Variants in TMEM117 observed in about 807,000 individuals in gnomAD.
The protein encoded by TMEM117 is transmembrane protein 117.
Under a neutral mutation model 52.4 loss-of-function variants are expected in TMEM117, and 27 were observed. The ratio of observed to expected loss-of-function variants is 0.51; its 90% CI spans 0.38 to 0.71. The LOEUF (loss-of-function observed/expected upper bound fraction) is 0.71, where lower values mean the gene tolerates loss of function less well. Among genes scored for constraint, TMEM117 ranks in the 30% least tolerant of loss-of-function variants. TMEM117 has a pLI of 0.00. For missense variants in TMEM117, 556 were observed against 630.5 expected (o/e 0.88, Z 1.26); for synonymous variants, 215 against 206.3 (o/e 1.04, Z -0.36).
intron 3 of TMEM117, among the ~76,000 whole-genome samples, chr12:44,095,501 A>C (rs548855579): frequency 1.3e-5 from 2 of 152,170 alleles, no homozygotes; most frequent in South Asian, 4.1e-4. Flanking sequence ...AAGAAATGGA[A>C]GATATGTGTT....
At chr12:44,367,545 A>G (rs1951805447) in intron 6 of TMEM117, among the ~76,000 whole-genome samples, 2 of 152,042 alleles carry the variant, frequency 1.3e-5, no homozygotes, top group Non-Finnish European at 1.5e-5. Flanking sequence ...TGCCTCAGTC[A>G]GTCCCTGGCC....
At chr12:44,164,702 C>A (rs1479975532) in intron 4 of TMEM117, among the ~76,000 whole-genome samples, 1 of 152,128 alleles carries the variant, frequency 6.6e-6, no homozygotes, top group Non-Finnish European at 1.5e-5. Flanking sequence ...CAATCTTTGT[C>A]TTGATAGAGG....
At chr12:43,862,072 A>G (rs1943499035) in intron 2 of TMEM117, among the ~76,000 whole-genome samples, 1 of 152,236 alleles carries the variant, frequency 6.6e-6, no homozygotes, top group South Asian at 2.1e-4. Context: ...TTTTCCAGAC[A>G]GTTGCTTCGC....
At chr12:44,014,730 T>A (rs1474351619) in intron 3 of TMEM117, among the ~76,000 whole-genome samples, 1 of 152,186 alleles carries the variant, frequency 6.6e-6, no homozygotes, top group East Asian at 1.9e-4. Flanking sequence ...GTTACTGCTA[T>A]TTTTTCCCCT....
chr12:43,801,858 C>G, the TMEM117 span, among the ~76,000 whole-genome samples: 3 of 151,998 alleles, frequency 2.0e-5, no homozygotes, highest in Non-Finnish European at 4.4e-5. Context: ...AGTGAAACCC[C>G]GTCTCTACTA....
chr12:44,272,795 C>T (rs1098576), intron 5 of TMEM117, among the ~76,000 whole-genome samples: 3 of 152,094 alleles, frequency 2.0e-5, no homozygotes, highest in Non-Finnish European at 2.9e-5. Flanking sequence ...AGTTCAACCA[C>T]TGTGGAAGAC....
At chr12:43,873,588 G>A (rs1431495988) in intron 2 of TMEM117, among the ~76,000 whole-genome samples, 3 of 151,622 alleles carry the variant, frequency 2.0e-5, no homozygotes, top group South Asian at 4.2e-4. Context: ...GAAAACATTC[G>A]TTAATTTTAT....
Position 43,868,356 on chromosome 12 carries a change from C to A in TMEM117, c.277+23428C>A, listed in dbSNP as rs144368961. On this transcript the variant is annotated intron_variant, in intron 2 of 7. Coordinates refer to ENST00000266534, the MANE Select transcript of TMEM117 (RefSeq NM_032256.3). ...AGGAGTTTGAGACCAGCCTGGGCAA[C>A]GTGGTTAAAACCCTGTCTCTACTAA... Among the ~76,000 whole-genome samples the A allele has an allele frequency of 8.0e-3, 1,219 of 151,910 alleles. 16 individuals carry two copies. The highest frequency in any genetic ancestry group is 0.027 in the African/African-American group (1,117 of 41,424).
intron 3 of TMEM117, among the ~76,000 whole-genome samples, chr12:44,074,098 T>A (rs896198933): frequency 2.0e-5 from 3 of 152,214 alleles, no homozygotes; most frequent in Admixed American, 6.5e-5. Context: ...TTCCCTGTTT[T>A]CTGTTTGATT....
At chr12:43,825,867 C>T in the TMEM117 span, among the ~76,000 whole-genome samples, 1,858 of 152,288 alleles carry the variant, frequency 0.012, 33 homozygotes, top group East Asian at 0.072. Flanking sequence ...CTTTGAGAAA[C>T]ACTGACTCAT....
chr12:44,075,779 C>T (rs906525491), intron 3 of TMEM117, among the ~76,000 whole-genome samples: 3 of 152,138 alleles, frequency 2.0e-5, no homozygotes, highest in African/African-American at 7.2e-5. Flanking sequence ...AATTATAGTA[C>T]TCTTTTACAT....
chr12:44,387,529 C>T (rs1196987503), intron 7 of TMEM117, among the ~76,000 whole-genome samples: 1 of 152,056 alleles, frequency 6.6e-6, no homozygotes. Context: ...GTTTAATCAA[C>T]AGGTCACCTA....
intron 4 of TMEM117, among the ~76,000 whole-genome samples, chr12:44,165,863 A>G (rs1948959982): frequency 6.6e-6 from 1 of 152,240 alleles, no homozygotes; most frequent in East Asian, 1.9e-4. Flanking sequence ...ACTGCACTTT[A>G]GACCAAATGG....
chr12:43,884,459 C>T (rs1943955518), intron 2 of TMEM117, among the ~76,000 whole-genome samples: 1 of 152,016 alleles, frequency 6.6e-6, no homozygotes, highest in Non-Finnish European at 1.5e-5. Flanking sequence ...CTGTTCAGTT[C>T]TCTCTAGCAT....
intron 3 of TMEM117, among the ~76,000 whole-genome samples, chr12:44,016,487 C>T (rs933276497): frequency 6.6e-6 from 1 of 152,180 alleles, no homozygotes; most frequent in Non-Finnish European, 1.5e-5. Flanking sequence ...CTTCAGCTTT[C>T]TTCCGTCTAA....
chr12:43,934,799 G>T (rs1162145972), intron 2 of TMEM117, among the ~76,000 whole-genome samples: 1 of 151,998 alleles, frequency 6.6e-6, no homozygotes, highest in Non-Finnish European at 1.5e-5. Context: ...CCTGAAATAA[G>T]ATTTGATCTG....
intron 6 of TMEM117, among the ~76,000 whole-genome samples, chr12:44,371,329 CTT>C (rs1464734947): frequency 2.6e-5 from 4 of 152,262 alleles, no homozygotes; most frequent in Non-Finnish European, 5.9e-5. Flanking sequence ...GTAAAGTTGA[CTT>C]TTGATATCAT....
At chr12:44,294,150 T>C (rs1950738869) in intron 5 of TMEM117, among the ~76,000 whole-genome samples, 1 of 152,178 alleles carries the variant, frequency 6.6e-6, no homozygotes. Flanking sequence ...TTCAAGGTTT[T>C]TTATGGAGAT....
chr12:44,243,476 C>G (rs1325387579), intron 5 of TMEM117, among the ~76,000 whole-genome samples: 1 of 151,626 alleles, frequency 6.6e-6, no homozygotes, highest in Non-Finnish European at 1.5e-5. Context: ...TGCATTCAAA[C>G]CAGTTATCCT....
Sources: allele counts gnomAD v4.1 joint callset (sites outside exome capture counted in the v4.1 genomes callset), GRCh38; gene constraint gnomAD v4.1.1; transcripts MANE v1.5; gene names NCBI Gene and HGNC (gene_info 2026-07-23, HGNC 2026-07-21).